Variants in PTK2 observed in about 807,000 individuals in gnomAD.
The protein encoded by PTK2 is protein tyrosine kinase 2, also known as focal adhesion kinase 1.
A neutral mutation model predicts 150.1 loss-of-function variants in PTK2; 45 were observed. The ratio of observed to expected loss-of-function variants is 0.30; its 90% CI spans 0.24 to 0.38. PTK2 has a LOEUF of 0.38. Ranked by LOEUF, PTK2 falls within the 10% of genes least tolerant of loss-of-function variation. PTK2 has a pLI of 1.00. For missense variants in PTK2, 919 were observed against 1,307.3 expected (o/e 0.70, Z 4.58); for synonymous variants, 432 against 449.2 (o/e 0.96, Z 0.48).
intron 6 of PTK2, 137 bp from the exon 7 acceptor site, chr8:140,846,459 C>A: frequency 8.6e-7 from 1 of 1,157,868 alleles, no homozygotes; most frequent in Non-Finnish European, 1.3e-6. Context: ...TTGCACCAAA[C>A]CAATAGTTCA....
chr8:140,944,143 G>A (rs559325176), intron 1 of PTK2, among the ~76,000 whole-genome samples: 1 of 152,260 alleles, frequency 6.6e-6, no homozygotes, highest in Admixed American at 6.5e-5. Flanking sequence ...AAGATCCTAT[G>A]CAAAGTTGCC....
At chr8:140,941,390 C>T (rs1041945861) in intron 1 of PTK2, among the ~76,000 whole-genome samples, 1 of 152,186 alleles carries the variant, frequency 6.6e-6, no homozygotes, top group African/African-American at 2.4e-5. Context: ...CTGCTGGAGA[C>T]AGTGTCTCAA....
chr8:140,789,483 A>G (rs2100087101), exon 14 of PTK2: 3 of 1,613,360 alleles, frequency 1.9e-6, no homozygotes, highest in East Asian at 2.2e-5. Context: ...CCTGACACAG[A>G]GACGGCGTGT....
intron 4 of PTK2, among the ~76,000 whole-genome samples, chr8:140,875,698 C>A (rs1245965237): frequency 6.6e-6 from 1 of 152,284 alleles, no homozygotes; most frequent in African/African-American, 2.4e-5. Flanking sequence ...TATTATTATT[C>A]CCCTACTGCA....
At chr8:140,957,397 T>C (rs2100181565) in intron 1 of PTK2, among the ~76,000 whole-genome samples, 1 of 152,214 alleles carries the variant, frequency 6.6e-6, no homozygotes, top group Admixed American at 6.5e-5. Flanking sequence ...GCCTCTGTTG[T>C]AAGCTAAGTG....
intron 1 of PTK2, among the ~76,000 whole-genome samples, chr8:140,940,122 T>C (rs1487392311): frequency 6.6e-6 from 1 of 152,258 alleles, no homozygotes; most frequent in Non-Finnish European, 1.5e-5. Flanking sequence ...TATCCTAACA[T>C]ATCCCTGATA....
At chr8:140,979,606 T>C (rs997266932) in intron 1 of PTK2, among the ~76,000 whole-genome samples, 2 of 151,838 alleles carry the variant, frequency 1.3e-5, no homozygotes, top group Non-Finnish European at 2.9e-5. Flanking sequence ...ACAACAGGAG[T>C]GATACAGTTT....
chr8:140,978,765 A>G (rs2100190295), intron 1 of PTK2, among the ~76,000 whole-genome samples: 1 of 151,182 alleles, frequency 6.6e-6, no homozygotes, highest in African/African-American at 2.4e-5. Context: ...TACTGGGTAT[A>G]TACCCAAAGG....
intron 23 of PTK2, among the ~76,000 whole-genome samples, chr8:140,716,961 C>A (rs182324544): frequency 3.3e-4 from 51 of 152,280 alleles, no homozygotes; most frequent in African/African-American, 1.2e-3. Context: ...CATGGCATGG[C>A]CCAGCAACTG....
At chr8:140,983,613 C>T (rs1450764399) in intron 1 of PTK2, among the ~76,000 whole-genome samples, 1 of 151,340 alleles carries the variant, frequency 6.6e-6, no homozygotes, top group Non-Finnish European at 1.5e-5. Flanking sequence ...GTGTATTCCT[C>T]CAGTACAAGA....
intron 20 of PTK2, among the ~76,000 whole-genome samples, chr8:140,740,787 CTAAACAATTAAAATGAA>C: frequency 6.6e-6 from 1 of 152,260 alleles, no homozygotes; most frequent in South Asian, 2.1e-4. Flanking sequence ...AGTTAAATGA[CTAAACAATTAAAATGAA>C]TAAACAATTG....
intron 20 of PTK2, among the ~76,000 whole-genome samples, chr8:140,740,635 T>C (rs2100055138): frequency 2.0e-5 from 3 of 152,260 alleles, no homozygotes; most frequent in African/African-American, 4.8e-5. Context: ...TTTAAAATGT[T>C]GTTCAAATGA....
intron 10 of PTK2, among the ~76,000 whole-genome samples, chr8:140,805,757 A>G (rs2100097825): frequency 6.6e-6 from 1 of 152,106 alleles, no homozygotes; most frequent in African/African-American, 2.4e-5. Flanking sequence ...ACCATATGAT[A>G]TTCTGCTTAG....
At chr8:140,892,567 C>T in intron 2 of PTK2, 1 of 445,424 alleles carries the variant, frequency 2.2e-6, no homozygotes. Context: ...AAGAAAAGAG[C>T]CAACCCTCTG....
At chr8:140,754,238 A>C (rs151303570) in intron 16 of PTK2, among the ~76,000 whole-genome samples, 22 of 152,358 alleles carry the variant, frequency 1.4e-4, no homozygotes, top group Non-Finnish European at 2.1e-4. Flanking sequence ...AGGACAGAGT[A>C]GTTGGCTCAC....
At chr8:140,734,866 G>A (rs779018516) in intron 22 of PTK2, 2 of 460,900 alleles carry the variant, frequency 4.3e-6, no homozygotes, top group Non-Finnish European at 8.6e-6. Context: ...AAAACGCAGT[G>A]AGCTGTGTTA....
At chr8:140,989,785 G>A (rs2154610214) in intron 1 of PTK2, among the ~76,000 whole-genome samples, 1 of 152,018 alleles carries the variant, frequency 6.6e-6, no homozygotes, top group Admixed American at 6.6e-5. Context: ...GTGCATGCCT[G>A]TAATCCCAGC....
chr8:140,993,621 CACA>C (rs2100196569), intron 1 of PTK2, among the ~76,000 whole-genome samples: 1 of 152,132 alleles, frequency 6.6e-6, no homozygotes, highest in Non-Finnish European at 1.5e-5. Flanking sequence ...GAGACACAGA[CACA>C]ACAAGCACCT....
intron 14 of PTK2, among the ~76,000 whole-genome samples, chr8:140,767,113 G>C (rs556680273): frequency 6.6e-6 from 1 of 152,278 alleles, no homozygotes; most frequent in East Asian, 1.9e-4. Context: ...AAAATCCTCA[G>C]TAGAGATACC....
Sources: allele counts gnomAD v4.1 joint callset (sites outside exome capture counted in the v4.1 genomes callset), GRCh38; gene constraint gnomAD v4.1.1; transcripts MANE v1.5; gene names NCBI Gene and HGNC (gene_info 2026-07-23, HGNC 2026-07-21).